Variants in NCKAP1 observed in about 807,000 individuals in gnomAD.
The protein encoded by NCKAP1 is NCK associated protein 1.
A neutral mutation model predicts 151.2 loss-of-function variants in NCKAP1; 21 were observed. That is an observed-to-expected ratio of 0.14 (90% CI 0.10 to 0.20). NCKAP1 has a LOEUF of 0.20. Ranked by LOEUF, NCKAP1 falls within the 10% of genes least tolerant of loss-of-function variation. The probability of loss-of-function intolerance (pLI) is 1.00; values close to 1 mark genes in which losing one functional copy is unlikely to be tolerated. For missense variants in NCKAP1, 933 were observed against 1,352.1 expected, an observed-to-expected ratio of 0.69 and a Z score of 4.86; for synonymous variants, 484 against 451.8, an observed-to-expected ratio of 1.07 and a Z score of -0.90.
chr2:182,958,364 G>A (rs1373554914), intron 18 of NCKAP1, among the ~76,000 whole-genome samples: 2 of 151,998 alleles, frequency 1.3e-5, no homozygotes, highest in Admixed American at 6.6e-5. Context: ...GGCTGGTCTC[G>A]AACTCCTGAC....
At chr2:183,016,709 C>A (rs373287401) in intron 2 of NCKAP1, among the ~76,000 whole-genome samples, 5 of 152,076 alleles carry the variant, frequency 3.3e-5, no homozygotes, top group Non-Finnish European at 7.4e-5. Flanking sequence ...AAGATGAGTG[C>A]GTGGTCCAGG....
rs1466225002 is a variant in NCKAP1 at position 182,913,846 on chromosome 2, C to T, written c.*11856G>A. On this transcript the variant is annotated 3_prime_UTR_variant, in exon 31 of 31. Transcript: ENST00000361354. ...TTTTTTCCTGATCAGCACTCTGATG[C>T]TCTCTGCCCCCACAGCCTGTGGAAA... 1 of 152,342 alleles carries T rather than the reference C, an allele frequency of 6.6e-6. No individual in the cohort carries two copies. The highest frequency in any genetic ancestry group is 1.5e-5 in the Non-Finnish European group (1 of 68,162). The allele number at this position is 152,342 out of a possible 1,614,324, so 9.4% of individuals were successfully genotyped here. A position where few individuals can be genotyped will look rare whatever the true frequency, so the allele number is the denominator to read the frequency against.
At position 182,935,172 on chromosome 2, in the gene NCKAP1, A is replaced by G. The variant is rs1696848719; in HGVS notation, c.2778+121T>C. 4.0e-6 allele frequency: 3 copies of G among 747,166 alleles called. No individual in the cohort carries two copies. In the Admixed American group the frequency reaches 1.0e-4, roughly 25 times the overall value. The allele number at this position is 747,166 out of a possible 1,614,324, so 46.3% of individuals were successfully genotyped here. A position where few individuals can be genotyped will look rare whatever the true frequency, so the allele number is the denominator to read the frequency against. ...TTTATGTATGTTATTTTCTGTAACT[A>G]CTAAAACTGGAATTTTAATTATATC... On this transcript the variant is annotated intron_variant, in intron 25 of 30. Coordinates refer to ENST00000361354, the MANE Select transcript of NCKAP1 (RefSeq NM_013436.5).
intron 10 of NCKAP1, among the ~76,000 whole-genome samples, chr2:182,984,620 T>C (rs916953563): frequency 7.3e-5 from 11 of 151,366 alleles, no homozygotes; most frequent in African/African-American, 2.4e-4. Context: ...TATGATGACA[T>C]CTGTCTCAAA....
rs962073880 is a variant in NCKAP1, at chr2:183,038,157, G to A, written c.-58C>T. ...CCTCGCGCCCAGTCACGGGCCCGCG[G>A]CCTTCGCAGCAGCCTCTCTCGGGCC... On this transcript the variant is annotated 5_prime_UTR_variant, in exon 1 of 31. Coordinates refer to ENST00000361354, the MANE Select transcript of NCKAP1 (RefSeq NM_013436.5). The A allele has an allele frequency of 6.2e-6, 8 of 1,299,834 alleles. No homozygotes were observed. The African/African-American group carries it at 9.3e-5, about 15-fold the overall frequency. The allele number at this position is 1,299,834 out of a possible 1,614,324, so 80.5% of individuals were successfully genotyped here.
intron 15 of NCKAP1, among the ~76,000 whole-genome samples, chr2:182,971,173 T>A (rs1575038663): frequency 6.6e-6 from 1 of 151,706 alleles, no homozygotes; most frequent in South Asian, 2.1e-4. Flanking sequence ...GGCGGGCGGA[T>A]CACGAGGTCA....
intron 18 of NCKAP1, among the ~76,000 whole-genome samples, chr2:182,958,213 T>A (rs1257997845): frequency 6.6e-6 from 1 of 152,186 alleles, no homozygotes; most frequent in African/African-American, 2.4e-5. Flanking sequence ...AATGGCACAA[T>A]CTCAGCTCAC....
At chr2:182,928,643 G>A (rs1696696822) in intron 28 of NCKAP1, 140 bp downstream of exon 28, 4 of 563,776 alleles carry the variant, frequency 7.1e-6, no homozygotes, top group Non-Finnish European at 1.3e-5. Flanking sequence ...CATATATCAG[G>A]AAACTGCAGT....
At position 182,915,031 on chromosome 2, in the gene NCKAP1, C is replaced by T. The variant is rs1437855996; in HGVS notation, c.*10671G>A. The T allele has an allele frequency of 1.3e-5, 2 of 152,282 alleles. No homozygotes were observed. Among genetic ancestry groups the T allele is most frequent in the Non-Finnish European group, 2.9e-5 (2 of 68,036 alleles). 9.4% of individuals were successfully genotyped at this position (152,282 alleles called of 1,614,324 possible). A position where few individuals can be genotyped will look rare whatever the true frequency, so the allele number is the denominator to read the frequency against. On this transcript the variant is annotated 3_prime_UTR_variant, in exon 31 of 31. Transcript: ENST00000361354. ...TTGTGAGCACCTCTACCTGGGTGTC[C>T]CCCTAGGGCTACAGCTGCTCTCAAG...
chr2:183,028,046 C>T (rs1031139359), intron 1 of NCKAP1, among the ~76,000 whole-genome samples: 2 of 151,968 alleles, frequency 1.3e-5, no homozygotes, highest in African/African-American at 2.4e-5. Flanking sequence ...ACCAGAAAGA[C>T]GTAATCAAAA....
chr2:182,952,551 T>G (rs776529781), intron 22 of NCKAP1, 49 bp from the exon 23 acceptor site: 1 of 1,365,920 alleles, frequency 7.3e-7, no homozygotes, highest in Non-Finnish European at 1.0e-6. Flanking sequence ...GCAAATACTT[T>G]AAGAAAATGA....
intron 8 of NCKAP1, 96 bp from the exon 9 acceptor site, chr2:182,989,282 C>T (rs896233136): frequency 4.4e-6 from 4 of 911,624 alleles, no homozygotes; most frequent in African/African-American, 1.7e-5. Flanking sequence ...AACGTAACCA[C>T]GATCACTAAA....
chr2:182,995,814 G>T lies in NCKAP1; in HGVS notation c.628C>A (p.Leu210Ile). ...TTCCTTCGAGGATATACCATTTGAA[G>T]AGAAATTAGTGCATCTGAAAGAGAC... is the stretch of plus-strand genomic sequence containing the variant. ...SKSLSDALIS[L>I]QMVYPRRNLS... The change falls in exon 7 of 31, where the codon CTT (leucine) becomes ATT (isoleucine). Residue 210 changes from leucine (L) to isoleucine (I), a missense_variant. Around this residue, in one of 2 missense-constraint regions of NCKAP1, gnomAD observed 607 missense variants for 795.0 expected, o/e 0.76. Transcript: ENST00000361354. 1 of 1,611,524 alleles carries T rather than the reference G, an allele frequency of 6.2e-7. No homozygotes were observed. Among genetic ancestry groups the T allele is most frequent in the Non-Finnish European group, 8.5e-7 (1 of 1,177,760 alleles).
intron 2 of NCKAP1, among the ~76,000 whole-genome samples, chr2:183,009,469 A>G (rs1698547369): frequency 1.3e-5 from 2 of 150,038 alleles, no homozygotes; most frequent in Non-Finnish European, 3.0e-5. Context: ...GAAGGAAGGA[A>G]GGAAGGAAGC....
intron 8 of NCKAP1, among the ~76,000 whole-genome samples, chr2:182,991,920 C>T (rs1698178267): frequency 2.0e-5 from 3 of 152,178 alleles, no homozygotes; most frequent in South Asian, 2.1e-4. Context: ...ACTTCAAGTG[C>T]TGGGTCCTCA....
At position 182,923,253 on chromosome 2, in the gene NCKAP1, C is replaced by G. The variant is rs1422869645; in HGVS notation, c.*2449G>C. The G allele has an allele frequency of 6.6e-6, 1 of 151,916 alleles. No individual in the cohort carries two copies. The highest frequency in any genetic ancestry group is 1.5e-5 in the Non-Finnish European group (1 of 67,998). The allele number at this position is 151,916 out of a possible 1,614,324, so 9.4% of individuals were successfully genotyped here. A position where few individuals can be genotyped will look rare whatever the true frequency, so the allele number is the denominator to read the frequency against. ...TAATGAAAAGAAATTGTCTAAAAAT[C>G]TATCCAATCTATCCAAATGAGTATT... On this transcript the variant is annotated 3_prime_UTR_variant, in exon 31 of 31. Coordinates refer to ENST00000361354, the MANE Select transcript of NCKAP1 (RefSeq NM_013436.5).
intron 2 of NCKAP1, among the ~76,000 whole-genome samples, chr2:183,023,320 C>A (rs1698830577): frequency 6.6e-6 from 1 of 152,036 alleles, no homozygotes. Flanking sequence ...AATAAAGACC[C>A]TAACACAATC....
rs190010318 is a variant in NCKAP1, at chr2:182,967,092, C to T, written c.1628+124G>A. ...CACATTTTAATAAAAGTCCACTATT[C>T]CCTTTATTCTTAAGGATCTATTACT... On this transcript the variant is annotated intron_variant, in intron 16 of 30. Coordinates refer to ENST00000361354, the MANE Select transcript of NCKAP1 (RefSeq NM_013436.5). 7,695 of 835,428 alleles carry T rather than the reference C, an allele frequency of 9.2e-3. 68 individuals carry two copies. The highest frequency in any genetic ancestry group is 0.013 in the Middle Eastern group (35 of 2,688). 51.8% of individuals were successfully genotyped at this position (835,428 alleles called of 1,614,324 possible).
At chr2:182,969,682 T>C (rs1697646460) in intron 15 of NCKAP1, among the ~76,000 whole-genome samples, 1 of 152,064 alleles carries the variant, frequency 6.6e-6, no homozygotes, top group East Asian at 1.9e-4. Context: ...AATAAACACC[T>C]ATATTAATAA....
Sources: gnomAD v4.1 joint callset for allele counts (sites outside exome capture counted in the v4.1 genomes callset) on GRCh38, gnomAD v4.1.1 for gene constraint, gnomAD v4.1.1 regional missense constraint, MANE v1.5 for transcripts, NCBI Gene and HGNC (gene_info 2026-07-23, HGNC 2026-07-21) for gene names.